The following VWA5A variants were observed in gnomAD, a reference collection of about 807,000 sequenced individuals.
VWA5A encodes the protein von Willebrand factor A domain-containing protein 5A.
In VWA5A, 77 loss-of-function variants were observed where a neutral mutation model predicts 84.6. The ratio of observed to expected loss-of-function variants is 0.91; its 90% CI spans 0.76 to 1.10. The LOEUF (loss-of-function observed/expected upper bound fraction) is 1.10. Among genes scored for constraint, VWA5A ranks in the 50% least tolerant of loss-of-function variants. The pLI, the probability that VWA5A is intolerant of heterozygous loss-of-function variation, is 0.00. For missense variants in VWA5A, 973 were observed against 963.0 expected (o/e 1.01, Z -0.14); for synonymous variants, 334 against 350.1 (o/e 0.95, Z 0.51).
At chr11:124,135,729 A>G (rs922154943) in intron 12 of VWA5A, among the ~76,000 whole-genome samples, 4 of 149,904 alleles carry the variant, frequency 2.7e-5, no homozygotes, top group African/African-American at 4.9e-5. Context: ...ACGGGGTTTC[A>G]CCGTTTTAGC....
intron 14 of VWA5A, 39 bp from the exon 15 acceptor site, chr11:124,136,975 CT>C: frequency 1.9e-6 from 3 of 1,594,108 alleles, no homozygotes; most frequent in Non-Finnish European, 2.6e-6. Context: ...ATATGGATGT[CT>C]TTCCCTACAT....
rs139849781 is a variant in VWA5A at position 124,123,026 on chromosome 11, C to G, written c.827C>G (p.Ser276Ter). The G allele has an allele frequency of 2.8e-4, 453 of 1,614,046 alleles. No homozygotes were observed. The highest frequency in any genetic ancestry group is 3.7e-4 in the Non-Finnish European group (436 of 1,180,036). The change falls in exon 8 of 19, where the codon TCA becomes TGA. Residue 276 changes from serine (S) to a stop codon, truncating the protein, a stop_gained. Coordinates refer to ENST00000456829, the MANE Select transcript of VWA5A (RefSeq NM_001130142.2). LOFTEE classifies it high-confidence loss of function. The stretch of plus-strand genomic sequence containing the variant: ...CCAAATATCCCAGAAGATCAACCAT[C>G]AAATACCTGTGGAGAGTTTATCTTT... ...FYPNIPEDQP[S>*]NTCGEFIFLM...
At chr11:124,127,962 T>G (rs1865044386) in intron 11 of VWA5A, among the ~76,000 whole-genome samples, 1 of 152,224 alleles carries the variant, frequency 6.6e-6, no homozygotes, top group African/African-American at 2.4e-5. Context: ...TTTTGTAGAT[T>G]CCCTGTTCAC....
intron 15 of VWA5A, among the ~76,000 whole-genome samples, chr11:124,141,170 G>A (rs909356379): frequency 7.2e-5 from 11 of 152,186 alleles, no homozygotes; most frequent in African/African-American, 2.2e-4. Flanking sequence ...ACGACATGTG[G>A]AAGGTAAACC....
intron 6 of VWA5A, 114 bp downstream of exon 6, chr11:124,118,822 G>A: frequency 7.2e-7 from 1 of 1,383,136 alleles, no homozygotes. Context: ...CATGCTCCTT[G>A]CATATCGTCA....
chr11:124,122,013 C>T (rs1344963977), intron 7 of VWA5A, among the ~76,000 whole-genome samples: 3 of 152,154 alleles, frequency 2.0e-5, no homozygotes, highest in African/African-American at 7.2e-5. Flanking sequence ...GGGCAACACC[C>T]ATCTTATTTA....
In VWA5A at chr11:124,137,125, C is replaced by T. The variant is rs746784932; in HGVS notation, c.1736C>T (p.Ser579Phe). The change falls in exon 15 of 19, where the codon TCT becomes TTT. Residue 579 changes from serine to phenylalanine, a missense_variant. Coordinates refer to ENST00000456829, the MANE Select transcript of VWA5A (RefSeq NM_001130142.2). ...GATGCATTGAACCTTAGCCTTGAGT[C>T]TGGTGTCATAAGCTCCTTCACAGCT... The part of the protein sequence containing the change: ...KKDALNLSLE[S>F]GVISSFTAFI... 1.2e-6 allele frequency: 2 copies of T among 1,613,936 alleles called. No homozygotes were observed. The highest frequency in any genetic ancestry group is 2.2e-5 in the South Asian group (2 of 91,072).
chr11:124,140,023 T>C (rs1167326399), intron 15 of VWA5A, among the ~76,000 whole-genome samples: 1 of 152,222 alleles, frequency 6.6e-6, no homozygotes, highest in East Asian at 1.9e-4. Flanking sequence ...ATTTGTTTAA[T>C]ACTTTTTCTG....
At chr11:124,125,913 A>T (rs1237274607) in intron 11 of VWA5A, among the ~76,000 whole-genome samples, 1 of 152,134 alleles carries the variant, frequency 6.6e-6, no homozygotes, top group Non-Finnish European at 1.5e-5. Context: ...TGTCCTGTTA[A>T]AAAGTCTTTC....
At chr11:124,136,754 C>CCTTCCTTCAT (rs1565620838) in intron 14 of VWA5A, 80 bp downstream of exon 14, 6 of 446,380 alleles carry the variant, frequency 1.3e-5, no homozygotes, top group South Asian at 8.9e-5. Flanking sequence ...CCTTCATTCC[C>CCTTCCTTCAT]TCCCTCCCTC....
At chr11:124,129,322 A>G (rs765322085) in intron 11 of VWA5A, among the ~76,000 whole-genome samples, 1 of 152,302 alleles carries the variant, frequency 6.6e-6, no homozygotes. Context: ...CCTCCCAGGG[A>G]TGAAGCTGAC....
intron 17 of VWA5A, among the ~76,000 whole-genome samples, chr11:124,143,079 T>G (rs1348419799): frequency 6.6e-6 from 1 of 152,222 alleles, no homozygotes; most frequent in Non-Finnish European, 1.5e-5. Flanking sequence ...TCTAAGAGTA[T>G]CTGTCTTGAG....
At position 124,118,654 on chromosome 11, in the gene VWA5A, C is replaced by T. The variant is rs1365640470; in HGVS notation, c.591C>T (p.Ser197=). ...DSQHGIEKVQ[S]NCPLSPTEYL... is the part of the protein sequence containing the mutation. Reference sequence around the variant, plus strand: ...AGCATGGCATTGAGAAGGTCCAATCCAACTGCCCCTTGAGTCCTACCGAGT... The same window carrying T: ...AGCATGGCATTGAGAAGGTCCAATCTAACTGCCCCTTGAGTCCTACCGAGT... The change falls in exon 6 of 19, where the codon TCC becomes TCT. Residue 197 remains serine (S), a synonymous_variant. Transcript: ENST00000456829. The T allele has an allele frequency of 6.2e-7, 1 of 1,614,104 alleles. No homozygotes were observed.
Position 124,143,968 on chromosome 11 carries a change from A to G in VWA5A, c.2155-1269A>G, listed in dbSNP as rs115775611. ...CCAAGTACAAATTAGTTGAAAACCT[A>G]TGGCGCTGAATGATGAATTGATTTC... On this transcript the variant is annotated intron_variant, in intron 17 of 18. Coordinates refer to ENST00000456829, the MANE Select transcript of VWA5A (RefSeq NM_001130142.2). Among the ~76,000 whole-genome samples the G allele has an allele frequency of 5.4e-3, 823 of 152,204 alleles. 13 individuals are homozygous for G. The highest frequency in any genetic ancestry group is 0.019 in the African/African-American group (782 of 41,526).
Position 124,119,015 on chromosome 11 carries a change from A to G in VWA5A, c.686A>G (p.Glu229Gly). The G allele has an allele frequency of 1.2e-6, 2 of 1,614,178 alleles. No homozygotes were observed. The highest frequency in any genetic ancestry group is 8.5e-7 in the Non-Finnish European group (1 of 1,180,036). The change falls in exon 7 of 19, where the codon GAA (glutamate) becomes GGA (glycine). Residue 229 changes from glutamate (E) to glycine (G), a missense_variant. Transcript: ENST00000456829. Reference protein sequence around the residue: ...AAGHKFDRDVELLIYYNEVHT... With the variant: ...AAGHKFDRDVGLLIYYNEVHT... ...GGACACAAGTTTGATCGGGACGTGG[A>G]ACTCCTGATTTACTACAATGAGGTG...
chr11:124,124,089 C>A, intron 10 of VWA5A, 148 bp from the exon 11 acceptor site: 4 of 878,270 alleles, frequency 4.6e-6, no homozygotes, highest in Non-Finnish European at 7.1e-6. Context: ...GAATGTGGTG[C>A]CAGCGACTGA....
In VWA5A at chr11:124,136,227, A is replaced by G; in HGVS notation, c.1458A>G (p.Pro486=). ...PPGLSAKMLS[P]EQTVIFRGQR... is the part of the protein sequence containing the mutation. ...GTCTGTCTGCTAAAATGCTTTCCCC[A>G]GAACAGACTGTCATCTTTAGGGGTC... The change falls in exon 13 of 19, where the codon CCA becomes CCG. Residue 486 remains proline (P), a synonymous_variant. Coordinates refer to ENST00000456829, the MANE Select transcript of VWA5A (RefSeq NM_001130142.2). 1 of 1,614,168 alleles carries G rather than the reference A, an allele frequency of 6.2e-7. No individual in the cohort carries two copies. Among genetic ancestry groups the G allele is most frequent in the African/African-American group, 1.3e-5 (1 of 75,038 alleles).
intron 11 of VWA5A, among the ~76,000 whole-genome samples, chr11:124,128,452 C>T (rs1865051110): frequency 6.6e-6 from 1 of 152,152 alleles, no homozygotes; most frequent in African/African-American, 2.4e-5. Context: ...AGCGTGATGC[C>T]TCCAGCTTTA....
chr11:124,131,744 C>CA (rs1188944564), intron 11 of VWA5A, among the ~76,000 whole-genome samples: 7 of 151,262 alleles, frequency 4.6e-5, no homozygotes, highest in Non-Finnish European at 1.0e-4. Flanking sequence ...ATCACATTTG[C>CA]AAAAAATATC....
Sources: gnomAD v4.1 joint callset for allele counts (sites outside exome capture counted in the v4.1 genomes callset) on GRCh38, gnomAD v4.1.1 for gene constraint, MANE v1.5 for transcripts, NCBI Gene and HGNC (gene_info 2026-07-23, HGNC 2026-07-21) for gene names.